HS6ST3: variants seen among roughly 807,000 people sequenced by gnomAD.
HS6ST3 encodes heparan sulfate 6-O-sulfotransferase 3, also known as heparan-sulfate 6-O-sulfotransferase 3.
A neutral mutation model predicts 36.7 loss-of-function variants in HS6ST3; 12 were observed. The observed-to-expected ratio is 0.33, with a 90% confidence interval of 0.21 to 0.53. HS6ST3 has a LOEUF of 0.53. HS6ST3 is among the 20% of genes least tolerant of loss of function. HS6ST3 has a pLI of 0.95. For missense variants in HS6ST3, 584 were observed against 640.9 expected (o/e 0.91, Z 0.96); for synonymous variants, 240 against 257.5 (o/e 0.93, Z 0.65).
intron 1 of HS6ST3, among the ~76,000 whole-genome samples, chr13:96,483,830 G>C (rs889366726): frequency 6.6e-6 from 1 of 152,074 alleles, no homozygotes; most frequent in Non-Finnish European, 1.5e-5. Flanking sequence ...CAAACCCAAG[G>C]TCATCTAGGT....
At chr13:96,150,861 A>G (rs1002465603) in intron 1 of HS6ST3, among the ~76,000 whole-genome samples, 2 of 152,208 alleles carry the variant, frequency 1.3e-5, no homozygotes, top group African/African-American at 4.8e-5. Flanking sequence ...TAAATGTACT[A>G]AACTATATAA....
At chr13:96,524,904 A>T (rs530579630) in intron 1 of HS6ST3, among the ~76,000 whole-genome samples, 2 of 152,324 alleles carry the variant, frequency 1.3e-5, no homozygotes, top group South Asian at 4.1e-4. Flanking sequence ...CAGGTACCTT[A>T]GATGGAAATG....
chr13:96,513,436 T>G (rs1298423749), intron 1 of HS6ST3, among the ~76,000 whole-genome samples: 1 of 152,194 alleles, frequency 6.6e-6, no homozygotes, highest in Non-Finnish European at 1.5e-5. Context: ...CATAATAATT[T>G]AAATAACTTT....
chr13:96,550,479 A>G (rs2056215576), intron 1 of HS6ST3, among the ~76,000 whole-genome samples: 1 of 152,180 alleles, frequency 6.6e-6, no homozygotes, highest in South Asian at 2.1e-4. Context: ...AGTCTTAGGC[A>G]TTCCTTTATA....
At chr13:96,659,556 GAAGA>G (rs1194416253) in intron 1 of HS6ST3, among the ~76,000 whole-genome samples, 15 of 151,722 alleles carry the variant, frequency 9.9e-5, no homozygotes, top group Non-Finnish European at 1.9e-4. Flanking sequence ...CTGTATTAAT[GAAGA>G]AATAGATTTC....
chr13:96,226,331 A>G (rs1018207333), intron 1 of HS6ST3, among the ~76,000 whole-genome samples: 1 of 152,046 alleles, frequency 6.6e-6, no homozygotes, highest in African/African-American at 2.4e-5. Context: ...GACCAGCCTG[A>G]CCAAAATGGA....
chr13:96,175,647 T>C (rs1179927831), intron 1 of HS6ST3, among the ~76,000 whole-genome samples: 1 of 151,890 alleles, frequency 6.6e-6, no homozygotes, highest in Non-Finnish European at 1.5e-5. Flanking sequence ...TTTTATGTTT[T>C]GTGTAATTAC....
intron 1 of HS6ST3, among the ~76,000 whole-genome samples, chr13:96,163,450 C>T (rs1025077452): frequency 3.3e-5 from 5 of 151,910 alleles, no homozygotes; most frequent in Admixed American, 2.0e-4. Context: ...AGCATGGTCT[C>T]GATCTCCTGA....
At chr13:96,476,008 C>T (rs2055862404) in intron 1 of HS6ST3, among the ~76,000 whole-genome samples, 1 of 152,224 alleles carries the variant, frequency 6.6e-6, no homozygotes, top group Admixed American at 6.5e-5. Flanking sequence ...AATGTAGGCT[C>T]ACCTGCTGAG....
rs3138578 is a variant in HS6ST3 at position 96,739,219 on chromosome 13, TTGTGTGTGTGTGTGTGTGTGTGTG to T, written c.708-93235_708-93212del. Among the ~76,000 whole-genome samples, 5 of 126,336 alleles carry T rather than the reference TTGTGTGTGTGTGTGTGTGTGTGTG, an allele frequency of 4.0e-5. No homozygotes were observed. The East Asian group carries it at 6.9e-4, about 17-fold the overall frequency. The allele number at this position is 126,336 out of a possible 152,430, so 82.9% of individuals were successfully genotyped here. On this transcript the variant is annotated intron_variant, in intron 1 of 1. Transcript: ENST00000376705. ...CCTTCTGTTCTCTATCGACATTTGCTTGTGTGTGTGTGTGTGTGTGTGTGTGTGTGTGTGTGTGTGTGTGTGTGT... is the reference window on the plus strand; with the variant it reads ...CCTTCTGTTCTCTATCGACATTTGCTTGTGTGTGTGTGTGTGTGTGTGTGT...
chr13:96,265,081 T>C (rs2054685107), intron 1 of HS6ST3, among the ~76,000 whole-genome samples: 2 of 152,196 alleles, frequency 1.3e-5, no homozygotes, highest in African/African-American at 4.8e-5. Context: ...CAAAGTGCTA[T>C]TGATGTTACC....
intron 1 of HS6ST3, among the ~76,000 whole-genome samples, chr13:96,466,703 T>C (rs1475932719): frequency 6.6e-6 from 1 of 152,218 alleles, no homozygotes; most frequent in East Asian, 1.9e-4. Flanking sequence ...AGTAGCTTGA[T>C]TGTGGTAATC....
intron 1 of HS6ST3, among the ~76,000 whole-genome samples, chr13:96,238,170 G>C (rs2139371126): frequency 6.6e-6 from 1 of 152,120 alleles, no homozygotes; most frequent in South Asian, 2.1e-4. Flanking sequence ...ACTCTGGGGG[G>C]TCATCCTTGC....
chr13:96,332,152 C>T (rs553215913), intron 1 of HS6ST3, among the ~76,000 whole-genome samples: 3 of 152,222 alleles, frequency 2.0e-5, no homozygotes, highest in South Asian at 2.1e-4. Flanking sequence ...CTGTGTCGCT[C>T]GTGCTGGGAG....
intron 1 of HS6ST3, among the ~76,000 whole-genome samples, chr13:96,097,820 G>T (rs1320688904): frequency 6.6e-6 from 1 of 152,184 alleles, no homozygotes; most frequent in Non-Finnish European, 1.5e-5. Flanking sequence ...CACATATAAA[G>T]TGCCCAGCAT....
At chr13:96,655,405 G>T (rs1027771878) in intron 1 of HS6ST3, among the ~76,000 whole-genome samples, 1 of 152,074 alleles carries the variant, frequency 6.6e-6, no homozygotes, top group African/African-American at 2.4e-5. Context: ...GAGGGGGATT[G>T]CAATAGAAAA....
chr13:96,816,383 G>A (rs569626048), intron 1 of HS6ST3, among the ~76,000 whole-genome samples: 1 of 152,292 alleles, frequency 6.6e-6, no homozygotes, highest in South Asian at 2.1e-4. Flanking sequence ...TTACATCAAC[G>A]TTTGGTTCAC....
intron 1 of HS6ST3, among the ~76,000 whole-genome samples, chr13:96,171,174 T>C (rs2139334462): frequency 6.6e-6 from 1 of 152,374 alleles, no homozygotes; most frequent in South Asian, 2.1e-4. Context: ...GTGAATATTA[T>C]TTTAAAAATA....
chr13:96,387,038 C>T (rs879684035), intron 1 of HS6ST3, among the ~76,000 whole-genome samples: 8 of 152,108 alleles, frequency 5.3e-5, no homozygotes, highest in Admixed American at 2.0e-4. Context: ...AGGTGATCCT[C>T]GTGCTTCAGG....
Sources: allele counts gnomAD v4.1 joint callset (sites outside exome capture counted in the v4.1 genomes callset), GRCh38; gene constraint gnomAD v4.1.1; transcripts MANE v1.5; gene names NCBI Gene and HGNC (gene_info 2026-07-23, HGNC 2026-07-21).